DST: variants seen among roughly 807,000 people sequenced by gnomAD.
DST encodes the protein bullous pemphigoid antigen.
A neutral mutation model predicts 875.2 loss-of-function variants in DST; 253 were observed. The observed-to-expected ratio is 0.29, with a 90% CI of 0.26 to 0.32. The LOEUF (loss-of-function observed/expected upper bound fraction) is 0.32. DST is among the 10% of genes least tolerant of loss of function. The pLI, the probability that DST is intolerant of heterozygous loss-of-function variation, is 1.00. For synonymous variants in DST, 3,124 were observed against 3,197.1 expected (o/e 0.98, Z 0.77); for missense variants, 8,287 against 9,111.6 (o/e 0.91, Z 3.68).
intron 22 of DST, among the ~76,000 whole-genome samples, chr6:56,638,146 T>A (rs956455029): frequency 6.6e-6 from 1 of 152,074 alleles, no homozygotes; most frequent in African/African-American, 2.4e-5. Context: ...GTGATCAGAG[T>A]GACATTCACA....
intron 10 of DST, among the ~76,000 whole-genome samples, chr6:56,670,144 G>C (rs1354442258): frequency 1.3e-5 from 2 of 150,398 alleles, no homozygotes; most frequent in African/African-American, 4.9e-5. Context: ...GTGTGTGTGT[G>C]TGTGTGTGTG....
intron 3 of DST, among the ~76,000 whole-genome samples, chr6:56,853,048 G>T (rs1367511988): frequency 6.6e-6 from 1 of 151,922 alleles, no homozygotes; most frequent in Non-Finnish European, 1.5e-5. Flanking sequence ...TCTTTTTTGT[G>T]GGCACATAGT....
chr6:56,792,376 C>T lies in DST; in HGVS notation c.626-57087G>A, dbSNP rs183864864. Among the ~76,000 whole-genome samples the T allele has an allele frequency of 2.9e-3, 444 of 152,052 alleles. 3 individuals are homozygous for T. The highest frequency in any genetic ancestry group is 1.0e-2 in the African/African-American group (414 of 41,440). ...GGGGAACATGACATGTACAAATTTC[C>T]CAATTTATCCATTAATTACAGGAGA... On this transcript the variant is annotated intron_variant, in intron 4 of 103. Coordinates refer to ENST00000680361, the MANE Select transcript of DST (RefSeq NM_001374736.1).
rs1251313001 is a variant in DST, at chr6:56,609,074, T to C, written c.5554A>G (p.Thr1852Ala). The C allele has an allele frequency of 1.2e-6, 2 of 1,613,890 alleles. No homozygotes were observed. The highest frequency in any genetic ancestry group is 2.2e-5 in the East Asian group (1 of 44,884). The change falls in exon 40 of 104, where the codon ACA (threonine) becomes GCA (alanine). Residue 1852 changes from threonine to alanine, a missense_variant. Transcript: ENST00000680361. ...GCTAGAGCATCCAGTACTGGAATTG[T>C]GGTAGGTGACGCAGCAGAAATAATC... Reference protein sequence around the residue: ...KEIISAASPTTIPVLDALAQS... With the variant: ...KEIISAASPTAIPVLDALAQS...
intron 3 of DST, among the ~76,000 whole-genome samples, chr6:56,882,841 A>C (rs979524060): frequency 1.3e-5 from 2 of 152,198 alleles, no homozygotes; most frequent in African/African-American, 4.8e-5. Flanking sequence ...GCAAGACAAA[A>C]GTCAAGCAAT....
intron 4 of DST, among the ~76,000 whole-genome samples, chr6:56,776,573 T>C (rs971635281): frequency 6.6e-6 from 1 of 152,184 alleles, no homozygotes; most frequent in Non-Finnish European, 1.5e-5. Flanking sequence ...CTAAAATCTA[T>C]CCTAAATCTA....
intron 3 of DST, among the ~76,000 whole-genome samples, chr6:56,853,160 C>A (rs1766124212): frequency 6.6e-6 from 1 of 152,148 alleles, no homozygotes; most frequent in Non-Finnish European, 1.5e-5. Flanking sequence ...AAGCTGTCTT[C>A]CATTTTATTT....
chr6:56,693,176 T>C (rs528833095), intron 9 of DST: 28 of 1,253,538 alleles, frequency 2.2e-5, no homozygotes, highest in Non-Finnish European at 2.8e-5. Flanking sequence ...CACAGCTCCA[T>C]AGATTCACTC....
At chr6:56,728,344 T>C (rs938716596) in intron 5 of DST, among the ~76,000 whole-genome samples, 14 of 152,216 alleles carry the variant, frequency 9.2e-5, no homozygotes, top group Admixed American at 3.3e-4. Flanking sequence ...TAAATTCTTG[T>C]TCTGTATTCT....
At chr6:56,477,222 A>T in intron 91 of DST, 123 bp downstream of exon 91, 2 of 1,071,142 alleles carry the variant, frequency 1.9e-6, no homozygotes, top group Non-Finnish European at 2.6e-6. Context: ...ATTTAAAAGA[A>T]CGTTTTCTAT....
intron 5 of DST, among the ~76,000 whole-genome samples, chr6:56,709,889 A>C (rs955975524): frequency 2.6e-5 from 4 of 152,196 alleles, no homozygotes; most frequent in Non-Finnish European, 1.5e-5. Context: ...ACAAAGGAAA[A>C]AGGCAAGGAC....
chr6:56,602,789 T>G, intron 43 of DST, 93 bp downstream of exon 43: 1 of 958,094 alleles, frequency 1.0e-6, no homozygotes, highest in South Asian at 2.5e-5. Context: ...TAATCCTTTG[T>G]AGCCTTAGCA....
intron 10 of DST, among the ~76,000 whole-genome samples, chr6:56,660,474 T>C (rs1038835649): frequency 6.6e-6 from 1 of 152,300 alleles, no homozygotes; most frequent in Non-Finnish European, 1.5e-5. Flanking sequence ...CAAAAGATCA[T>C]ATGCCTCACT....
intron 2 of DST, among the ~76,000 whole-genome samples, chr6:56,937,703 T>A (rs994383699): frequency 2.6e-5 from 4 of 152,212 alleles, no homozygotes; most frequent in African/African-American, 9.6e-5. Flanking sequence ...TTTAAGCACA[T>A]ATTCACAGCG....
chr6:56,891,854 G>T (rs1364923919), intron 3 of DST, among the ~76,000 whole-genome samples: 1 of 151,806 alleles, frequency 6.6e-6, no homozygotes, highest in African/African-American at 2.4e-5. Flanking sequence ...ATGGTTTTTT[G>T]CCCATGCAAC....
intron 4 of DST, among the ~76,000 whole-genome samples, chr6:56,772,475 G>T (rs1324130789): frequency 6.6e-6 from 1 of 152,160 alleles, no homozygotes; most frequent in Non-Finnish European, 1.5e-5. Context: ...AACTGCAACT[G>T]ATTAGCCATG....
chr6:56,618,226 T>C lies in DST; in HGVS notation c.4930-3742A>G, dbSNP rs138015691. On this transcript the variant is annotated intron_variant, in intron 36 of 103. Coordinates refer to ENST00000680361, the MANE Select transcript of DST (RefSeq NM_001374736.1). ...GAGCCCCTGGTGGCTGGAATTGGAC[T>C]TCTTTGGGTATCTGTTCAACAACCC... The C allele has an allele frequency of 9.7e-5, 157 of 1,614,196 alleles. No homozygotes were observed. In the East Asian group the frequency reaches 1.3e-3, roughly 13 times the overall value.
intron 4 of DST, among the ~76,000 whole-genome samples, chr6:56,818,391 A>G (rs2099769188): frequency 1.3e-5 from 2 of 152,158 alleles, no homozygotes; most frequent in Admixed American, 1.3e-4. Context: ...TATATATAAC[A>G]TGGGTAATGC....
intron 87 of DST, among the ~76,000 whole-genome samples, chr6:56,486,145 C>G: frequency 6.6e-6 from 1 of 151,882 alleles, no homozygotes; most frequent in East Asian, 1.9e-4. Flanking sequence ...GGGCGGATCA[C>G]GAGGTCAGGA....
Sources: gnomAD v4.1 joint callset for allele counts (sites outside exome capture counted in the v4.1 genomes callset) on GRCh38, gnomAD v4.1.1 for gene constraint, MANE v1.5 for transcripts, NCBI Gene and HGNC (gene_info 2026-07-23, HGNC 2026-07-21) for gene names.